The following CDH11 variants were observed in gnomAD, a reference collection of about 807,000 sequenced individuals.
CDH11 encodes cadherin 11, also known as cadherin-11.
Under a neutral mutation model 67.8 loss-of-function variants are expected in CDH11, and 11 were observed. The observed-to-expected ratio is 0.16, with a 90% CI of 0.10 to 0.27. The LOEUF (loss-of-function observed/expected upper bound fraction) is 0.27. Among genes scored for constraint, CDH11 ranks in the 10% least tolerant of loss-of-function variants. The probability of loss-of-function intolerance (pLI) is 1.00; values close to 1 mark genes in which losing one functional copy is unlikely to be tolerated. For synonymous variants in CDH11, 419 were observed against 400.0 expected (o/e 1.05, Z -0.57); for missense variants, 847 against 1,031.2 (o/e 0.82, Z 2.45).
chr16:64,966,581 G>C (rs1416909780), intron 11 of CDH11, among the ~76,000 whole-genome samples: 2 of 151,852 alleles, frequency 1.3e-5, no homozygotes, highest in African/African-American at 2.4e-5. Context: ...AGACAATAAA[G>C]ATACCCTTAC....
chr16:65,084,564 A>G (rs1309224048), intron 1 of CDH11, among the ~76,000 whole-genome samples: 1 of 152,222 alleles, frequency 6.6e-6, no homozygotes, highest in African/African-American at 2.4e-5. Flanking sequence ...CATTAACAAC[A>G]AGGAGGGAAT....
intron 4 of CDH11, among the ~76,000 whole-genome samples, chr16:64,996,644 G>C (rs1221663695): frequency 2.6e-5 from 4 of 152,270 alleles, no homozygotes; most frequent in African/African-American, 7.2e-5. Flanking sequence ...AGTCAACCAA[G>C]GTGCCCATCA....
At chr16:65,081,853 A>T (rs1020465951) in intron 1 of CDH11, among the ~76,000 whole-genome samples, 1 of 152,206 alleles carries the variant, frequency 6.6e-6, no homozygotes, top group African/African-American at 2.4e-5. Flanking sequence ...GGAAACATAG[A>T]TGTGATTTGT....
intron 1 of CDH11, among the ~76,000 whole-genome samples, chr16:65,061,971 A>G (rs998040836): frequency 6.6e-6 from 1 of 152,216 alleles, no homozygotes; most frequent in Non-Finnish European, 1.5e-5. Flanking sequence ...GTTGCCCTCA[A>G]TCACAAAGCC....
chr16:65,097,349 A>T (rs1225507487), intron 1 of CDH11, among the ~76,000 whole-genome samples: 1 of 152,236 alleles, frequency 6.6e-6, no homozygotes, highest in Non-Finnish European at 1.5e-5. Flanking sequence ...AATTTACTTC[A>T]TAAGTCTCTA....
At chr16:64,977,752 C>CTG (rs1242177473) in intron 8 of CDH11, among the ~76,000 whole-genome samples, 2 of 152,190 alleles carry the variant, frequency 1.3e-5, no homozygotes, top group East Asian at 3.9e-4. Flanking sequence ...GAAGTCTCAT[C>CTG]ATTGCTCTGA....
At chr16:64,975,583 A>T (rs911526366) in intron 8 of CDH11, among the ~76,000 whole-genome samples, 1 of 152,204 alleles carries the variant, frequency 6.6e-6, no homozygotes, top group African/African-American at 2.4e-5. Context: ...AGAGAGTCCC[A>T]GGTAGCTTCT....
intron 6 of CDH11, among the ~76,000 whole-genome samples, chr16:64,988,801 G>T (rs973205599): frequency 6.6e-6 from 1 of 152,066 alleles, no homozygotes; most frequent in Non-Finnish European, 1.5e-5. Context: ...CAGCTCCATA[G>T]TTACTTTAAA....
chr16:65,067,718 A>G (rs1484877569), intron 1 of CDH11, among the ~76,000 whole-genome samples: 1 of 140,578 alleles, frequency 7.1e-6, no homozygotes, highest in Admixed American at 7.0e-5. Context: ...GGAAGAAGGG[A>G]GAAGAGAAGA....
At chr16:65,107,065 T>TGA (rs1238523968) in intron 1 of CDH11, among the ~76,000 whole-genome samples, 4 of 152,010 alleles carry the variant, frequency 2.6e-5, no homozygotes, top group Admixed American at 1.3e-4. Context: ...AGATAACCTA[T>TGA]GAAAGGCCCA....
chr16:65,107,475 G>T (rs1174519137), intron 1 of CDH11, among the ~76,000 whole-genome samples: 1 of 152,072 alleles, frequency 6.6e-6, no homozygotes. Context: ...GTACTCACAG[G>T]AGTACTCTCC....
intron 2 of CDH11, among the ~76,000 whole-genome samples, chr16:65,034,660 T>C (rs2073716099): frequency 6.6e-6 from 1 of 152,188 alleles, no homozygotes. Context: ...TAGCATGTAG[T>C]AAATGCTCAA....
chr16:65,021,736 G>C (rs2073428909), intron 2 of CDH11, among the ~76,000 whole-genome samples: 1 of 150,716 alleles, frequency 6.6e-6, no homozygotes, highest in Non-Finnish European at 1.5e-5. Flanking sequence ...TTGTTAGTTT[G>C]TTTTTCTGCA....
chr16:65,032,152 C>G (rs2073655676), intron 2 of CDH11, among the ~76,000 whole-genome samples: 1 of 152,040 alleles, frequency 6.6e-6, no homozygotes, highest in African/African-American at 2.4e-5. Flanking sequence ...GATACTGAAT[C>G]TTTACAGTCT....
At chr16:64,951,125 C>T (rs1317825604) in intron 11 of CDH11, 107 bp from the exon 12 acceptor site, 2 of 1,114,776 alleles carry the variant, frequency 1.8e-6, no homozygotes, top group African/African-American at 1.6e-5. Context: ...AAAGGTTAAC[C>T]GCCAGAATCG....
chr16:64,982,039 C>A lies in CDH11; in HGVS notation c.1253+9G>T, dbSNP rs373935445. The stretch of plus-strand genomic sequence containing the variant: ...CCCATCCAAGCTCTTAAAATAAATC[C>A]GTCTGTACCTTATCGGGCTGTTGGC... On this transcript the variant is annotated intron_variant, in intron 8 of 12. Coordinates refer to ENST00000268603, the MANE Select transcript of CDH11 (RefSeq NM_001797.4). The A allele has an allele frequency of 1.9e-6, 3 of 1,592,898 alleles. No homozygotes were observed. The highest frequency in any genetic ancestry group is 8.6e-7 in the Non-Finnish European group (1 of 1,168,586).
rs1202105330 is a variant in CDH11 at position 64,988,363 on chromosome 16, T to C, written c.812-19A>G. ...TATACGCCTAGAAGAAGAAGACATC[T>C]ATTTTTATTTTCTCTTTTATTTGGC... is the stretch of plus-strand genomic sequence containing the variant. On this transcript the variant is annotated intron_variant, in intron 6 of 12. Transcript: ENST00000268603. The C allele has an allele frequency of 1.9e-6, 3 of 1,576,562 alleles. No homozygotes were observed. The highest frequency in any genetic ancestry group is 2.7e-5 in the African/African-American group (2 of 73,054).
rs959684050 is a variant in CDH11 at position 65,121,503 on chromosome 16, G to A, written c.-298+377C>T. Among the ~76,000 whole-genome samples the A allele has an allele frequency of 2.0e-5, 3 of 152,254 alleles. No homozygotes were observed. The highest frequency in any genetic ancestry group is 3.9e-4 in the East Asian group (2 of 5,122). On this transcript the variant is annotated intron_variant, in intron 1 of 12. Coordinates refer to ENST00000268603, the MANE Select transcript of CDH11 (RefSeq NM_001797.4). This position sits in a 1 kb window ranked among gnomAD's most constrained non-coding sequence, Gnocchi z 4.1. ...CGCGCCGTGGGCGACTTTCCCCAGA[G>A]ATATGACCGGGGACAGTCGGCGTGT...
At chr16:64,959,448 T>C in intron 11 of CDH11, among the ~76,000 whole-genome samples, 1 of 152,212 alleles carries the variant, frequency 6.6e-6, no homozygotes, top group Middle Eastern at 3.2e-3. Flanking sequence ...AGGGGGATAT[T>C]GACATTTAGG....
Sources: gnomAD v4.1 joint callset for allele counts (sites outside exome capture counted in the v4.1 genomes callset) on GRCh38, gnomAD v4.1.1 for gene constraint, Gnocchi (gnomAD v3.1) non-coding constraint, MANE v1.5 for transcripts, NCBI Gene and HGNC (gene_info 2026-07-23, HGNC 2026-07-21) for gene names.